The following CYTH1 variants were observed in gnomAD, a reference collection of about 807,000 sequenced individuals.
CYTH1 encodes the protein cytohesin-1.
In CYTH1, 18 loss-of-function variants were observed where a neutral mutation model predicts 61.8. The observed-to-expected ratio is 0.29, with a 90% CI of 0.20 to 0.43. The LOEUF is 0.43. Among genes scored for constraint, CYTH1 ranks in the 20% least tolerant of loss-of-function variants. The probability of loss-of-function intolerance (pLI) is 1.00; values close to 1 mark genes in which losing one functional copy is unlikely to be tolerated. For missense variants in CYTH1, 336 were observed against 510.5 expected, an observed-to-expected ratio of 0.66 and a Z score of 3.29; for synonymous variants, 174 against 184.3, an observed-to-expected ratio of 0.94 and a Z score of 0.45.
chr17:78,703,950 G>A (rs2093039410), intron 3 of CYTH1, among the ~76,000 whole-genome samples: 1 of 152,148 alleles, frequency 6.6e-6, no homozygotes, highest in Non-Finnish European at 1.5e-5. Flanking sequence ...GATACCCAGG[G>A]GTGGACACTG....
chr17:78,736,493 A>G (rs1402963334), intron 1 of CYTH1, among the ~76,000 whole-genome samples: 1 of 151,878 alleles, frequency 6.6e-6, no homozygotes, highest in Non-Finnish European at 1.5e-5. Context: ...CTTCCTAACC[A>G]CTAAGAGACT....
chr17:78,738,061 G>A (rs750502634), intron 1 of CYTH1, among the ~76,000 whole-genome samples: 1 of 151,900 alleles, frequency 6.6e-6, no homozygotes, highest in Non-Finnish European at 1.5e-5. Flanking sequence ...ATTCTTCTAC[G>A]TATCTCAATA....
At chr17:78,730,741 T>C (rs1181984465) in intron 1 of CYTH1, among the ~76,000 whole-genome samples, 1 of 151,710 alleles carries the variant, frequency 6.6e-6, no homozygotes, top group African/African-American at 2.4e-5. Flanking sequence ...CTCAGCTCAC[T>C]GCAAGCTCCG....
At position 78,781,035 on chromosome 17, in the gene CYTH1, T is replaced by TAATAA. The variant is rs1426492086; in HGVS notation, c.22+1162_22+1166dup. 1.3e-4 allele frequency among the ~76,000 whole-genome samples: 19 copies of TAATAA among 150,836 alleles called. No homozygotes were observed. The East Asian group carries it at 2.1e-3, about 17-fold the overall frequency. Reference sequence around the variant, plus strand: ...AAAAATAAAATAAAATAAAATAAAATAATAAAATAAAATAAAATAAAAAAT... The same window carrying TAATAA: ...AAAAATAAAATAAAATAAAATAAAATAATAAAATAAAATAAAATAAAATAAAAAAT... On this transcript the variant is annotated intron_variant, in intron 1 of 13. Coordinates refer to ENST00000446868, the MANE Select transcript of CYTH1 (RefSeq NM_004762.6).
chr17:78,708,326 A>C, intron 2 of CYTH1, 65 bp from the exon 3 acceptor site: 2 of 1,440,182 alleles, frequency 1.4e-6, no homozygotes, highest in Non-Finnish European at 1.9e-6. Context: ...AACTTCTAAA[A>C]TCTCACATAA....
rs2092961374 is a variant in CYTH1 at position 78,698,118 on chromosome 17, A to C, written c.811+151T>G. 5.8e-6 allele frequency: 4 copies of C among 694,252 alleles called. No homozygotes were observed. In the Admixed American group the frequency reaches 1.1e-4, roughly 20 times the overall value. The allele number at this position is 694,252 out of a possible 1,614,324, so 43.0% of individuals were successfully genotyped here. A position where few individuals can be genotyped will look rare whatever the true frequency, so the allele number is the denominator to read the frequency against. ...GCGTGTGTGTCCATGAATGTGTGTG[A>C]ACATGCATGCGCGTGCACACACACG... is the stretch of plus-strand genomic sequence containing the variant. On this transcript the variant is annotated intron_variant, in intron 9 of 13. Coordinates refer to ENST00000446868, the MANE Select transcript of CYTH1 (RefSeq NM_004762.6).
At position 78,692,611 on chromosome 17, in the gene CYTH1, G is replaced by A. The variant is rs568472664; in HGVS notation, c.815-118C>T. On this transcript the variant is annotated intron_variant, in intron 10 of 13. Transcript: ENST00000446868. ...GTTGGGGGAGAGGCATCAGGAGAAC[G>A]TGGAGCCCACAACATTGACATCAGT... 193 of 848,064 alleles carry A rather than the reference G, an allele frequency of 2.3e-4. 1 individual carries two copies. The highest frequency in any genetic ancestry group is 1.5e-4 in the East Asian group (6 of 39,958). 52.5% of individuals were successfully genotyped at this position (848,064 alleles called of 1,614,324 possible). A position where few individuals can be genotyped will look rare whatever the true frequency, so the allele number is the denominator to read the frequency against.
At chr17:78,719,318 G>A (rs2093208600) in intron 1 of CYTH1, among the ~76,000 whole-genome samples, 2 of 152,050 alleles carry the variant, frequency 1.3e-5, no homozygotes, top group African/African-American at 4.8e-5. Flanking sequence ...TATCACTTGG[G>A]GAACATACAA....
intron 1 of CYTH1, among the ~76,000 whole-genome samples, chr17:78,755,256 G>A (rs560188074): frequency 1.3e-5 from 2 of 152,168 alleles, no homozygotes; most frequent in South Asian, 4.1e-4. Flanking sequence ...GCTCACTGCA[G>A]CCTCCGCCTC....
At chr17:78,755,145 C>A (rs931098424) in intron 1 of CYTH1, among the ~76,000 whole-genome samples, 5 of 152,136 alleles carry the variant, frequency 3.3e-5, no homozygotes, top group Non-Finnish European at 7.3e-5. Context: ...AACTGATACC[C>A]CCAACAATGA....
At chr17:78,685,748 G>A (rs1359258164) in intron 11 of CYTH1, among the ~76,000 whole-genome samples, 1 of 151,934 alleles carries the variant, frequency 6.6e-6, no homozygotes, top group African/African-American at 2.4e-5. Flanking sequence ...AGGTTCCAAA[G>A]TGCCGCATTT....
chr17:78,719,710 T>C (rs2093211886), intron 1 of CYTH1, among the ~76,000 whole-genome samples: 1 of 152,078 alleles, frequency 6.6e-6, no homozygotes, highest in Non-Finnish European at 1.5e-5. Context: ...AAGCCTGAAA[T>C]TTTGAGACAG....
rs1567856541 is a variant in CYTH1 at position 78,717,508 on chromosome 17, CT to C, written c.23-7777del. Among the ~76,000 whole-genome samples, 1 of 152,142 alleles carries C rather than the reference CT, an allele frequency of 6.6e-6. No individual in the cohort carries two copies. Among genetic ancestry groups the C allele is most frequent in the African/African-American group, 2.4e-5 (1 of 41,410 alleles). ...CATTTATTTATTTATTTAAATGTTG[CT>C]TTGCAGATTTTAACAGTCGGCAGAA... On this transcript the variant is annotated intron_variant, in intron 1 of 13. Coordinates refer to ENST00000446868, the MANE Select transcript of CYTH1 (RefSeq NM_004762.6). The surrounding 1 kb of genome is among the most constrained non-coding windows in gnomAD (Gnocchi z 4.4).
chr17:78,744,502 T>C (rs1049338388), intron 1 of CYTH1, among the ~76,000 whole-genome samples: 11 of 152,204 alleles, frequency 7.2e-5, no homozygotes, highest in Admixed American at 2.0e-4. Context: ...CAAAGACTTG[T>C]CCAGCCTCTG....
At chr17:78,779,772 AGCCTCCAGAAAGAACC>A (rs1397113199) in intron 1 of CYTH1, among the ~76,000 whole-genome samples, 1 of 152,170 alleles carries the variant, frequency 6.6e-6, no homozygotes, top group African/African-American at 2.4e-5. Context: ...TTCTCCCCTG[AGCCTCCAGAAAGAACC>A]AGCCTGTCCG....
At chr17:78,759,263 C>T (rs532469157) in intron 1 of CYTH1, among the ~76,000 whole-genome samples, 1 of 152,326 alleles carries the variant, frequency 6.6e-6, no homozygotes, top group Admixed American at 6.5e-5. Flanking sequence ...AAGGTACTCT[C>T]CAAAGACACT....
At chr17:78,722,066 G>C (rs902862797) in intron 1 of CYTH1, among the ~76,000 whole-genome samples, 2 of 151,938 alleles carry the variant, frequency 1.3e-5, no homozygotes, top group Non-Finnish European at 2.9e-5. Flanking sequence ...AAAAAGTAAG[G>C]TATCAAAAAA....
intron 9 of CYTH1, 142 bp from the exon 10 acceptor site, chr17:78,696,151 GGA>G: frequency 8.2e-7 from 1 of 1,216,576 alleles, no homozygotes; most frequent in South Asian, 1.3e-5. Flanking sequence ...GCCTGCCTGG[GGA>G]GAGAGCTGAA....
chr17:78,692,868 C>T (rs1466648301), intron 10 of CYTH1, among the ~76,000 whole-genome samples: 2 of 152,094 alleles, frequency 1.3e-5, no homozygotes, highest in Admixed American at 6.5e-5. Flanking sequence ...AGGGAAGGGT[C>T]AGCACCTAGT....
Sources: gnomAD v4.1 joint callset for allele counts (sites outside exome capture counted in the v4.1 genomes callset) on GRCh38, gnomAD v4.1.1 for gene constraint, Gnocchi (gnomAD v3.1) non-coding constraint, MANE v1.5 for transcripts, NCBI Gene and HGNC (gene_info 2026-07-23, HGNC 2026-07-21) for gene names.